Variants in PPARGC1A observed in about 807,000 individuals in gnomAD.
PPARGC1A encodes the protein PPARG coactivator 1 alpha, also known as peroxisome proliferator-activated receptor gamma coactivator 1-alpha.
In PPARGC1A, 25 loss-of-function variants were observed where a neutral mutation model predicts 88.7. The ratio of observed to expected loss-of-function variants is 0.28; its 90% CI spans 0.21 to 0.39. PPARGC1A has a LOEUF of 0.39. Ranked by LOEUF, PPARGC1A falls within the 10% of genes least tolerant of loss-of-function variation. PPARGC1A has a pLI of 1.00. For missense variants in PPARGC1A, 880 were observed against 968.7 expected, an observed-to-expected ratio of 0.91 and a Z score of 1.22; for synonymous variants, 363 against 355.6, an observed-to-expected ratio of 1.02 and a Z score of -0.24.
At chr4:24,257,337 T>C in the PPARGC1A span, among the ~76,000 whole-genome samples, 1 of 152,134 alleles carries the variant, frequency 6.6e-6, no homozygotes, top group Non-Finnish European at 1.5e-5. Flanking sequence ...CAATAAGCAG[T>C]CCTAATCTTA....
intron 2 of PPARGC1A, among the ~76,000 whole-genome samples, chr4:23,870,677 G>A (rs1713116465): frequency 6.6e-6 from 1 of 152,260 alleles, no homozygotes; most frequent in East Asian, 1.9e-4. Flanking sequence ...AATAAAATGT[G>A]CTCCATCTGA....
the PPARGC1A span, among the ~76,000 whole-genome samples, chr4:24,211,455 A>G: frequency 6.6e-6 from 1 of 152,226 alleles, no homozygotes; most frequent in Non-Finnish European, 1.5e-5. Context: ...CAACAGAACC[A>G]GCAAATTTAC....
At chr4:23,961,840 C>A in the PPARGC1A span, among the ~76,000 whole-genome samples, 4 of 152,162 alleles carry the variant, frequency 2.6e-5, no homozygotes, top group South Asian at 8.3e-4. Context: ...TGAAATCATC[C>A]TTTTACCCAT....
chr4:24,098,568 A>G, the PPARGC1A span, among the ~76,000 whole-genome samples: 1 of 152,244 alleles, frequency 6.6e-6, no homozygotes, highest in South Asian at 2.1e-4. Flanking sequence ...ATTCAAACCA[A>G]GAAACAGAAT....
At chr4:24,009,076 A>G in the PPARGC1A span, among the ~76,000 whole-genome samples, 1 of 140,452 alleles carries the variant, frequency 7.1e-6, no homozygotes, top group Non-Finnish European at 1.5e-5. Flanking sequence ...GGCATTAATT[A>G]TTATGGTGGC....
At chr4:24,195,988 A>G in the PPARGC1A span, among the ~76,000 whole-genome samples, 2 of 152,208 alleles carry the variant, frequency 1.3e-5, no homozygotes, top group African/African-American at 4.8e-5. Flanking sequence ...AAGAGACCAC[A>G]CTAAATCTCT....
chr4:24,268,624 G>C, the PPARGC1A span, among the ~76,000 whole-genome samples: 1 of 152,132 alleles, frequency 6.6e-6, no homozygotes, highest in Admixed American at 6.6e-5. Context: ...TTTTACAAAG[G>C]TATATAGTTT....
chr4:24,246,110 C>A, the PPARGC1A span, among the ~76,000 whole-genome samples: 1 of 152,126 alleles, frequency 6.6e-6, no homozygotes, highest in African/African-American at 2.4e-5. Context: ...CTAATGTAAT[C>A]ATTTTCTGGT....
intron 1 of PPARGC1A, chr4:23,889,044 C>CTGT (rs1717384108): frequency 1.0e-6 from 1 of 985,276 alleles, no homozygotes; most frequent in Admixed American, 6.1e-5. Flanking sequence ...TCCGTCCCCC[C>CTGT]ACTAGACTCC....
the PPARGC1A span, among the ~76,000 whole-genome samples, chr4:24,167,684 A>G: frequency 6.6e-6 from 1 of 152,276 alleles, no homozygotes; most frequent in South Asian, 2.1e-4. Flanking sequence ...ACCACCAAAA[A>G]GAGTACAACT....
the PPARGC1A span, among the ~76,000 whole-genome samples, chr4:23,948,736 G>A: frequency 6.6e-6 from 1 of 152,092 alleles, no homozygotes; most frequent in Non-Finnish European, 1.5e-5. Flanking sequence ...ATTCTCAAAT[G>A]TCCCATTTTT....
chr4:24,452,880 G>A, the PPARGC1A span, among the ~76,000 whole-genome samples: 188 of 152,228 alleles, frequency 1.2e-3, 1 homozygote, highest in African/African-American at 4.3e-3. Context: ...GGCAAATGAC[G>A]GGGGTGTAAG....
At chr4:24,465,802 G>A in the PPARGC1A span, among the ~76,000 whole-genome samples, 17 of 152,248 alleles carry the variant, frequency 1.1e-4, no homozygotes, top group South Asian at 2.1e-4. Flanking sequence ...AATGTTAGGC[G>A]CATGATTCAG....
Position 23,889,243 on chromosome 4 carries a change from T to G in PPARGC1A, c.54+661A>C, listed in dbSNP as rs1292353489. 17 of 985,304 alleles carry G rather than the reference T, an allele frequency of 1.7e-5. No individual in the cohort carries two copies. The Admixed American group carries it at 7.4e-4, about 43-fold the overall frequency. 61.0% of individuals were successfully genotyped at this position (985,304 alleles called of 1,614,324 possible). On this transcript the variant is annotated intron_variant, in intron 1 of 12. Coordinates refer to ENST00000264867, the MANE Select transcript of PPARGC1A (RefSeq NM_013261.5). ...CCGTGGTACAGGAAGATTTAACCAT[T>G]GGCTTCCCTGCCACCGACGCGAACG... is the stretch of plus-strand genomic sequence containing the variant.
chr4:24,325,449 T>C, the PPARGC1A span, among the ~76,000 whole-genome samples: 7 of 152,158 alleles, frequency 4.6e-5, no homozygotes, highest in East Asian at 1.9e-4. Flanking sequence ...AGGGGCCAGG[T>C]GTTCCTCTAG....
At chr4:24,322,773 G>A in the PPARGC1A span, among the ~76,000 whole-genome samples, 1 of 152,188 alleles carries the variant, frequency 6.6e-6, no homozygotes, top group Non-Finnish European at 1.5e-5. Context: ...GGGAGAGTCA[G>A]GTTTTTAGCA....
the PPARGC1A span, among the ~76,000 whole-genome samples, chr4:24,296,907 A>C: frequency 1.3e-5 from 2 of 151,692 alleles, no homozygotes; most frequent in Non-Finnish European, 2.9e-5. Context: ...CTCCTATCTC[A>C]CCTTTCAAAT....
the PPARGC1A span, among the ~76,000 whole-genome samples, chr4:24,083,121 A>G: frequency 6.6e-6 from 1 of 152,160 alleles, no homozygotes; most frequent in African/African-American, 2.4e-5. Context: ...AGCCTGCTCT[A>G]TGCCTGGAAC....
the PPARGC1A span, among the ~76,000 whole-genome samples, chr4:24,283,862 T>A: frequency 1.3e-5 from 2 of 152,206 alleles, no homozygotes; most frequent in Non-Finnish European, 2.9e-5. Flanking sequence ...CAAGTCAATA[T>A]GTATAAAGTA....
Sources: gnomAD v4.1 joint callset for allele counts (sites outside exome capture counted in the v4.1 genomes callset) on GRCh38, gnomAD v4.1.1 for gene constraint, MANE v1.5 for transcripts, NCBI Gene and HGNC (gene_info 2026-07-23, HGNC 2026-07-21) for gene names.